Variants in CAPN7 observed in about 807,000 individuals in gnomAD.
CAPN7 encodes the protein calpain 7, also known as calpain-7.
CAPN7 carries 72 observed loss-of-function variants against 115.2 expected under a neutral mutation model. The observed-to-expected ratio is 0.63, with a 90% CI of 0.52 to 0.76. The LOEUF is 0.76. Among genes scored for constraint, CAPN7 ranks in the 30% least tolerant of loss-of-function variants. CAPN7 has a pLI of 0.00. For synonymous variants in CAPN7, 344 were observed against 322.3 expected (o/e 1.07, Z -0.72); for missense variants, 905 against 971.5 (o/e 0.93, Z 0.91).
intron 12 of CAPN7, among the ~76,000 whole-genome samples, chr3:15,236,740 C>T (rs530268632): frequency 4.6e-5 from 7 of 152,300 alleles, no homozygotes; most frequent in African/African-American, 1.7e-4. Flanking sequence ...ATACTGTAGG[C>T]AGTTATAACA....
chr3:15,220,670 C>A, intron 4 of CAPN7, 111 bp from the exon 5 acceptor site: 2 of 826,016 alleles, frequency 2.4e-6, no homozygotes, highest in Non-Finnish European at 3.9e-6. Context: ...ATTTTATATA[C>A]TAATTTTACA....
At chr3:15,231,520 T>C (rs1035030335) in intron 9 of CAPN7, among the ~76,000 whole-genome samples, 1 of 152,060 alleles carries the variant, frequency 6.6e-6, no homozygotes, top group African/African-American at 2.4e-5. Flanking sequence ...CTTATCCTCA[T>C]ATCTCTGAGA....
At chr3:15,234,172 C>T (rs752935191) in intron 11 of CAPN7, among the ~76,000 whole-genome samples, 199 bp downstream of exon 11, 3 of 151,984 alleles carry the variant, frequency 2.0e-5, no homozygotes, top group Non-Finnish European at 4.4e-5. Context: ...CAAAATTAGC[C>T]GGATGTGGTG....
intron 8 of CAPN7, among the ~76,000 whole-genome samples, chr3:15,229,761 A>C (rs1694574185): frequency 6.6e-6 from 1 of 151,900 alleles, no homozygotes; most frequent in Non-Finnish European, 1.5e-5. Context: ...ACTGGGAAAT[A>C]TAACATATTT....
intron 5 of CAPN7, among the ~76,000 whole-genome samples, chr3:15,221,910 C>T (rs1276101977): frequency 1.3e-5 from 2 of 151,818 alleles, no homozygotes; most frequent in Non-Finnish European, 2.9e-5. Context: ...GCCGAGATCA[C>T]GCCACTGCTC....
intron 5 of CAPN7, among the ~76,000 whole-genome samples, chr3:15,221,984 ATATACATACG>A (rs2124921215): frequency 6.6e-6 from 1 of 151,974 alleles, no homozygotes; most frequent in South Asian, 2.1e-4. Flanking sequence ...ATACACGTGT[ATATACATACG>A]TATACATATA....
At chr3:15,222,949 A>G (rs1694088799) in intron 5 of CAPN7, among the ~76,000 whole-genome samples, 1 of 152,204 alleles carries the variant, frequency 6.6e-6, no homozygotes, top group Admixed American at 6.5e-5. Context: ...AATAGTTAAT[A>G]TAGATAAATA....
intron 19 of CAPN7, 70 bp from the exon 20 acceptor site, chr3:15,250,861 G>C (rs1186078204): frequency 5.3e-6 from 6 of 1,122,670 alleles, no homozygotes. Context: ...CTGCACTTCA[G>C]ATAAAGTTAT....
chr3:15,214,446 G>A (rs930399846), intron 2 of CAPN7, among the ~76,000 whole-genome samples: 2 of 152,066 alleles, frequency 1.3e-5, no homozygotes, highest in African/African-American at 2.4e-5. Flanking sequence ...AGTATAGGCC[G>A]GCACAGTGGC....
intron 2 of CAPN7, among the ~76,000 whole-genome samples, chr3:15,214,201 T>C (rs2045114948): frequency 6.6e-6 from 1 of 152,168 alleles, no homozygotes; most frequent in African/African-American, 2.4e-5. Context: ...TTTTAAAGCA[T>C]AACATAGCTT....
At chr3:15,236,035 G>T (rs1265618699) in intron 12 of CAPN7, among the ~76,000 whole-genome samples, 12 of 152,090 alleles carry the variant, frequency 7.9e-5, no homozygotes, top group Admixed American at 7.2e-4. Flanking sequence ...GCTGGGCATG[G>T]TGCCATATAT....
intron 1 of CAPN7, 56 bp downstream of exon 1, chr3:15,206,653 C>T: frequency 1.5e-5 from 20 of 1,320,556 alleles, no homozygotes; most frequent in Non-Finnish European, 2.1e-5. Context: ...GCGGCCCGGG[C>T]CTGCGGCCGA....
chr3:15,215,914 C>T lies in CAPN7; in HGVS notation c.212-1511C>T, dbSNP rs556339225. Among the ~76,000 whole-genome samples, 259 of 152,218 alleles carry T rather than the reference C, an allele frequency of 1.7e-3. 2 individuals carry two copies. The highest frequency in any genetic ancestry group is 5.4e-3 in the African/African-American group (223 of 41,532). On this transcript the variant is annotated intron_variant, in intron 2 of 20. Transcript: ENST00000253693. ...TAGCCTGGCCAACAGGGTGAAACCC[C>T]GTCTCTACTAAAAATACAAAAATTA...
intron 19 of CAPN7, 94 bp downstream of exon 19, chr3:15,247,551 G>A (rs1695739684): frequency 2.1e-6 from 2 of 949,746 alleles, no homozygotes; most frequent in South Asian, 4.2e-5. Flanking sequence ...AAGCATATAT[G>A]GACATTGGAT....
In CAPN7 at chr3:15,252,037, C is replaced by T. The variant is rs933736862; in HGVS notation, c.*777C>T. The T allele has an allele frequency of 2.0e-5, 3 of 152,454 alleles. No homozygotes were observed. The highest frequency in any genetic ancestry group is 6.6e-5 in the Admixed American group (1 of 15,260). 9.4% of individuals were successfully genotyped at this position (152,454 alleles called of 1,614,324 possible). On this transcript the variant is annotated 3_prime_UTR_variant, in exon 21 of 21. Transcript: ENST00000253693. ...TTTTTAAATTGCTGTATCGTTCAGT[C>T]TCTTGTGGCAATAGCACTTTGAAGA...
intron 19 of CAPN7, among the ~76,000 whole-genome samples, chr3:15,249,029 A>C (rs1436777997): frequency 9.3e-5 from 14 of 151,106 alleles, no homozygotes; most frequent in South Asian, 2.1e-4. Context: ...AAAAAACAAA[A>C]ACAGAATACA....
In CAPN7 at chr3:15,251,259, G is replaced by A; in HGVS notation, c.2441G>A (p.Ter814=). 2.5e-6 allele frequency: 4 copies of A among 1,579,888 alleles called. No individual in the cohort carries two copies. Among genetic ancestry groups the A allele is most frequent in the Non-Finnish European group, 3.4e-6 (4 of 1,170,228 alleles). ...CCCATCAAGATCACACAACTTCAGT[G>A]ATGGAGAAATCTCAAGTTACTGGCT... ...IIPIKITQLQ[*] The change falls in exon 21 of 21, where the codon TGA becomes TAA. Residue 814 remains the stop codon, a stop_retained_variant. Transcript: ENST00000253693.
chr3:15,207,197 C>T (rs1312498527), intron 1 of CAPN7, among the ~76,000 whole-genome samples: 1 of 152,142 alleles, frequency 6.6e-6, no homozygotes, highest in Non-Finnish European at 1.5e-5. Flanking sequence ...CAGGCCTGCG[C>T]AGCGTGTTGC....
Position 15,247,346 on chromosome 3 carries a change from G to A in CAPN7, c.2093G>A (p.Gly698Asp). ...LSKRINGKWS[G>D]QSAGGCGNFQ... is the part of the protein sequence containing the mutation. ...TATTAGATTAATGGAAAGTGGAGTGGTCAGAGTGCTGGAGGATGTGGAAAT... is the reference window on the plus strand; with the variant it reads ...TATTAGATTAATGGAAAGTGGAGTGATCAGAGTGCTGGAGGATGTGGAAAT... The change falls in exon 19 of 21, where the codon GGT (glycine) becomes GAT (aspartate). Residue 698 changes from glycine to aspartate, a missense_variant. Transcript: ENST00000253693. The A allele has an allele frequency of 6.3e-7, 1 of 1,593,974 alleles. No homozygotes were observed. The highest frequency in any genetic ancestry group is 8.5e-7 in the Non-Finnish European group (1 of 1,171,564).
Sources: allele counts gnomAD v4.1 joint callset (sites outside exome capture counted in the v4.1 genomes callset), GRCh38; gene constraint gnomAD v4.1.1; transcripts MANE v1.5; gene names NCBI Gene and HGNC (gene_info 2026-07-23, HGNC 2026-07-21).